The following RPS6KA2 variants were observed in gnomAD, a reference collection of about 807,000 sequenced individuals.
RPS6KA2 encodes the protein ribosomal protein S6 kinase alpha-2.
A neutral mutation model predicts 91.8 loss-of-function variants in RPS6KA2; 42 were observed. That is an observed-to-expected ratio of 0.46 (90% CI 0.36 to 0.59). The LOEUF (loss-of-function observed/expected upper bound fraction) is 0.59, where lower values mean the gene tolerates loss of function less well. Ranked by LOEUF, RPS6KA2 falls within the 20% of genes least tolerant of loss-of-function variation. The probability of loss-of-function intolerance (pLI) is 0.00; values close to 1 mark genes in which losing one functional copy is unlikely to be tolerated. For synonymous variants in RPS6KA2, 414 were observed against 393.6 expected, an observed-to-expected ratio of 1.05 and a Z score of -0.61; for missense variants, 798 against 978.5, an observed-to-expected ratio of 0.82 and a Z score of 2.46.
rs896647505 is a variant in RPS6KA2 at position 166,563,668 on chromosome 6, T to C, written c.100-24884A>G. Among the ~76,000 whole-genome samples, 7 of 151,988 alleles carry C rather than the reference T, an allele frequency of 4.6e-5. No individual in the cohort carries two copies. Among genetic ancestry groups the C allele is most frequent in the African/African-American group, 7.2e-5 (3 of 41,420 alleles). On this transcript the variant is annotated intron_variant, in intron 1 of 20. Coordinates refer to ENST00000265678, the MANE Select transcript of RPS6KA2 (RefSeq NM_021135.6). This position sits in a 1 kb window ranked among gnomAD's most constrained non-coding sequence, Gnocchi z 4.1. The stretch of plus-strand genomic sequence containing the variant: ...CAGATCTTGTGGGCAAGGTATCTGC[T>C]TAAAGACATTGATGGATTTTATGAA...
rs1234494446 is a variant in RPS6KA2 at position 166,770,892 on chromosome 6, A to G, written c.123+87308T>C. On this transcript the variant is annotated intron_variant, in intron 2 of 21. Coordinates refer to the RPS6KA2 transcript ENST00000503859. The surrounding 1 kb of genome is among the most constrained non-coding windows in gnomAD (Gnocchi z 5.1). Reference sequence around the variant, plus strand: ...ACGGATCCAGCTACCTTTGTCTTGCAGGCAGCTGAGTCACTTTTGCCCTGT... The same window carrying G: ...ACGGATCCAGCTACCTTTGTCTTGCGGGCAGCTGAGTCACTTTTGCCCTGT... 6.3e-7 allele frequency: 1 copy of G among 1,597,440 alleles called. No individual in the cohort carries two copies. The highest frequency in any genetic ancestry group is 2.2e-5 in the East Asian group (1 of 44,884).
At chr6:166,679,994 T>C (rs543038182) in intron 2 of RPS6KA2, among the ~76,000 whole-genome samples, 16 of 152,284 alleles carry the variant, frequency 1.1e-4, no homozygotes, top group Non-Finnish European at 1.5e-4. Flanking sequence ...GGTGGGGACT[T>C]GGAGAATTTT....
At chr6:166,769,258 T>A (rs1778401607) in intron 2 of RPS6KA2, among the ~76,000 whole-genome samples, 1 of 152,186 alleles carries the variant, frequency 6.6e-6, no homozygotes, top group Non-Finnish European at 1.5e-5. Flanking sequence ...CAGATAATAA[T>A]AAAACTTTTT....
rs181330934 is a variant in RPS6KA2 at position 166,434,814 on chromosome 6, C to A, written c.1333-2324G>T. Among the ~76,000 whole-genome samples, 2 of 151,956 alleles carry A rather than the reference C, an allele frequency of 1.3e-5. No individual in the cohort carries two copies. Among genetic ancestry groups the A allele is most frequent in the Non-Finnish European group, 2.9e-5 (2 of 68,016 alleles). ...TCAAGATACAAGGAGTAAAAAAGGC[C>A]GACGCGAGCAGGTGCATCCTACGCC... On this transcript the variant is annotated intron_variant, in intron 14 of 20. Transcript: ENST00000265678. The surrounding 1 kb of genome is among the most constrained non-coding windows in gnomAD (Gnocchi z 4.4).
chr6:166,801,156 T>C (rs1031189398), intron 2 of RPS6KA2, among the ~76,000 whole-genome samples: 4 of 152,192 alleles, frequency 2.6e-5, no homozygotes, highest in African/African-American at 9.7e-5. Context: ...TCTACTTTTA[T>C]AAAAATTTAA....
chr6:166,702,816 G>A, intron 2 of RPS6KA2: 2 of 1,060,248 alleles, frequency 1.9e-6, no homozygotes, highest in South Asian at 2.5e-5. Context: ...TCTCGCTGAG[G>A]TTTCTGATAT....
At chr6:166,747,855 G>A (rs1791070301) in intron 2 of RPS6KA2, among the ~76,000 whole-genome samples, 1 of 152,216 alleles carries the variant, frequency 6.6e-6, no homozygotes. Flanking sequence ...ATGGCACAGG[G>A]GCCTCCTCCT....
At chr6:166,564,489 G>A (rs1784433755) in intron 1 of RPS6KA2, among the ~76,000 whole-genome samples, 1 of 152,110 alleles carries the variant, frequency 6.6e-6, no homozygotes, top group East Asian at 1.9e-4. Flanking sequence ...TTCCCTGTCC[G>A]CCCCACGCCT....
chr6:166,695,845 CAGGAGCACTGGATTCTCAT>C (rs1562388059), intron 2 of RPS6KA2, among the ~76,000 whole-genome samples: 22 of 145,114 alleles, frequency 1.5e-4, no homozygotes, highest in African/African-American at 3.7e-4. Flanking sequence ...TGGATTCTCA[CAGGAGCACTGGATTCTCAT>C]AGGAGCACTA....
At chr6:166,429,307 G>C (rs1779040742) in intron 16 of RPS6KA2, among the ~76,000 whole-genome samples, 1 of 110,192 alleles carries the variant, frequency 9.1e-6, no homozygotes. Context: ...GAGGGGGGGA[G>C]GGATAGCATT....
chr6:166,798,921 G>A (rs776177264), intron 2 of RPS6KA2, among the ~76,000 whole-genome samples: 11 of 152,210 alleles, frequency 7.2e-5, no homozygotes, highest in African/African-American at 1.2e-4. Context: ...CAGTGACTAA[G>A]GAAACCAGCC....
At chr6:166,764,101 C>T (rs541395391) in intron 2 of RPS6KA2, among the ~76,000 whole-genome samples, 74 of 152,336 alleles carry the variant, frequency 4.9e-4, no homozygotes, top group Middle Eastern at 6.8e-3. Context: ...CTGTGCCTTG[C>T]ATCGCTGCCG....
intron 2 of RPS6KA2, among the ~76,000 whole-genome samples, chr6:166,790,138 C>T (rs1308604915): frequency 6.6e-6 from 1 of 152,064 alleles, no homozygotes; most frequent in African/African-American, 2.4e-5. Context: ...GAATGGATAA[C>T]TAGAATAACC....
intron 2 of RPS6KA2, among the ~76,000 whole-genome samples, chr6:166,686,513 A>G (rs1480035637): frequency 6.6e-6 from 1 of 152,192 alleles, no homozygotes; most frequent in Non-Finnish European, 1.5e-5. Flanking sequence ...TCTGCACCCA[A>G]GGCCATGTGG....
At chr6:166,706,696 G>C (rs990782050) in intron 2 of RPS6KA2, among the ~76,000 whole-genome samples, 1 of 152,168 alleles carries the variant, frequency 6.6e-6, no homozygotes, top group East Asian at 1.9e-4. Flanking sequence ...CAGGCTTTAC[G>C]CACAGTACCC....
chr6:166,549,374 T>C (rs187985537), intron 1 of RPS6KA2, among the ~76,000 whole-genome samples: 2 of 152,348 alleles, frequency 1.3e-5, no homozygotes, highest in East Asian at 3.9e-4. Flanking sequence ...ATAGCAGCTT[T>C]ATTTGTGATG....
intron 2 of RPS6KA2, among the ~76,000 whole-genome samples, chr6:166,714,694 C>G (rs1368683960): frequency 6.6e-6 from 1 of 152,202 alleles, no homozygotes; most frequent in Non-Finnish European, 1.5e-5. Context: ...AAGAGAAGGG[C>G]CTGGAACAGG....
At chr6:166,595,475 G>A (rs771414947) in intron 1 of RPS6KA2, among the ~76,000 whole-genome samples, 2 of 152,212 alleles carry the variant, frequency 1.3e-5, no homozygotes, top group Admixed American at 6.5e-5. Context: ...TCCTCCACCC[G>A]CACAGACTGC....
intron 2 of RPS6KA2, among the ~76,000 whole-genome samples, chr6:166,744,975 C>T (rs538770191): frequency 2.0e-4 from 30 of 152,142 alleles, no homozygotes; most frequent in Middle Eastern, 3.4e-3. Flanking sequence ...AACAGAGGCT[C>T]GTGGTTGGAA....
Sources: allele counts gnomAD v4.1 joint callset (sites outside exome capture counted in the v4.1 genomes callset), GRCh38; gene constraint gnomAD v4.1.1; non-coding constraint Gnocchi (gnomAD v3.1); transcripts MANE v1.5; gene names NCBI Gene and HGNC (gene_info 2026-07-23, HGNC 2026-07-21).